Variants in GARIN2 observed in about 807,000 individuals in gnomAD.
GARIN2 encodes Golgi-associated RAB2 interactor protein 2.
the GARIN2 span, chr14:67,199,566 AC>A: frequency 6.2e-6 from 10 of 1,600,158 alleles, no homozygotes; most frequent in Non-Finnish European, 8.6e-6. Context: ...TACCTCTGTA[AC>A]CACCCTATCA....
chr14:67,211,869 A>G, the GARIN2 span, among the ~76,000 whole-genome samples: 7 of 152,202 alleles, frequency 4.6e-5, no homozygotes, highest in Non-Finnish European at 8.8e-5. Context: ...CTTATCATTT[A>G]TTATATATTG....
the GARIN2 span, among the ~76,000 whole-genome samples, chr14:67,228,169 CAA>C: frequency 5.3e-4 from 34 of 64,032 alleles, no homozygotes; most frequent in Admixed American, 7.1e-4. Flanking sequence ...GACTTTGTCT[CAA>C]AAAAAAAAAA....
At chr14:67,193,626 T>C in the GARIN2 span, among the ~76,000 whole-genome samples, 2 of 146,708 alleles carry the variant, frequency 1.4e-5, no homozygotes, top group Non-Finnish European at 1.5e-5. Flanking sequence ...GAAATATATC[T>C]ATCTATATAG....
the GARIN2 span, chr14:67,199,580 G>T: frequency 3.2e-5 from 51 of 1,594,504 alleles, no homozygotes; most frequent in Middle Eastern, 5.0e-4. Context: ...CCCTATCACC[G>T]TATCTTATGC....
chr14:67,222,999 C>CTTTT, the GARIN2 span, among the ~76,000 whole-genome samples: 7 of 124,800 alleles, frequency 5.6e-5, no homozygotes, highest in African/African-American at 9.3e-5. Context: ...TCCCATTGGG[C>CTTTT]TTTTTTTTTT....
the GARIN2 span, among the ~76,000 whole-genome samples, chr14:67,213,984 T>C: frequency 6.6e-6 from 1 of 152,268 alleles, no homozygotes; most frequent in African/African-American, 2.4e-5. Context: ...TATCTGTTCA[T>C]GTCCTTCGCC....
chr14:67,204,841 G>A, the GARIN2 span: 1 of 1,613,972 alleles, frequency 6.2e-7, no homozygotes, highest in Non-Finnish European at 8.5e-7. Context: ...CATGTATGCA[G>A]GTACAGGCCC....
the GARIN2 span, chr14:67,225,119 T>A: frequency 6.3e-7 from 1 of 1,575,162 alleles, no homozygotes; most frequent in Non-Finnish European, 8.6e-7. Context: ...TCCCTCTAGT[T>A]CTCTCCCCTC....
the GARIN2 span, chr14:67,200,312 C>T: frequency 1.5e-6 from 1 of 663,064 alleles, no homozygotes; most frequent in Non-Finnish European, 2.7e-6. Flanking sequence ...CGCTTTGGAG[C>T]CCTCTCCCTC....
chr14:67,201,178 T>C, the GARIN2 span, among the ~76,000 whole-genome samples: 1 of 152,102 alleles, frequency 6.6e-6, no homozygotes, highest in Non-Finnish European at 1.5e-5. Context: ...CCTGTATTCC[T>C]AGCTACTCGG....
At chr14:67,208,474 A>C in the GARIN2 span, 1 of 1,596,902 alleles carries the variant, frequency 6.3e-7, no homozygotes, top group East Asian at 2.2e-5. Context: ...AACATGCCAA[A>C]GGAATTCTAA....
the GARIN2 span, chr14:67,199,570 C>T: frequency 1.4e-5 from 23 of 1,598,252 alleles, no homozygotes; most frequent in Non-Finnish European, 1.9e-5. Flanking sequence ...TCTGTAACCA[C>T]CCTATCACCG....
the GARIN2 span, among the ~76,000 whole-genome samples, chr14:67,220,398 A>G: frequency 2.6e-5 from 4 of 152,054 alleles, no homozygotes; most frequent in African/African-American, 9.7e-5. Flanking sequence ...GCCATGATAG[A>G]GCCACTGCAC....
chr14:67,190,884 C>T, the GARIN2 span, among the ~76,000 whole-genome samples: 3 of 152,328 alleles, frequency 2.0e-5, no homozygotes, highest in Non-Finnish European at 4.4e-5. Context: ...AACCTCAAAG[C>T]TCCAAGGAGC....
At chr14:67,208,467 A>T in the GARIN2 span, 1 of 1,599,880 alleles carries the variant, frequency 6.3e-7, no homozygotes, top group Non-Finnish European at 8.5e-7. Context: ...AGGCAGGAAC[A>T]TGCCAAAGGA....
the GARIN2 span, among the ~76,000 whole-genome samples, chr14:67,206,455 C>T: frequency 1.3e-5 from 2 of 151,956 alleles, no homozygotes; most frequent in Admixed American, 1.3e-4. Context: ...AAGATTGTGC[C>T]ATTGCACTCC....
the GARIN2 span, chr14:67,200,206 A>G: frequency 9.0e-7 from 1 of 1,113,658 alleles, no homozygotes. Context: ...GATGCCCCCC[A>G]TGGATACACT....
the GARIN2 span, among the ~76,000 whole-genome samples, chr14:67,225,977 GCGCA>G: frequency 1.4e-5 from 2 of 143,280 alleles, no homozygotes; most frequent in Admixed American, 6.8e-5. Flanking sequence ...GCGCGCGCGT[GCGCA>G]TGCGCGTGCA....
At chr14:67,227,866 A>G in the GARIN2 span, 1 of 152,192 alleles carries the variant, frequency 6.6e-6, no homozygotes, top group African/African-American at 2.4e-5. Context: ...AAAAACAACA[A>G]TTTTAAGAAA....
Sources: gnomAD v4.1 joint callset for allele counts (sites outside exome capture counted in the v4.1 genomes callset) on GRCh38, gnomAD v4.1.1 for gene constraint, MANE v1.5 for transcripts, NCBI Gene and HGNC (gene_info 2026-07-23, HGNC 2026-07-21) for gene names.